Variants in DCC observed in about 807,000 individuals in gnomAD.
DCC encodes DCC netrin 1 receptor.
Under a neutral mutation model 172.5 loss-of-function variants are expected in DCC, and 58 were observed. The ratio of observed to expected loss-of-function variants is 0.34; its 90% confidence interval spans 0.27 to 0.42. The LOEUF (loss-of-function observed/expected upper bound fraction) is 0.42, where lower values mean the gene tolerates loss of function less well. Among genes scored for constraint, DCC ranks in the 10% least tolerant of loss-of-function variants. The pLI, the probability that DCC is intolerant of heterozygous loss-of-function variation, is 1.00. For missense variants in DCC, 1,740 were observed against 1,791.0 expected (o/e 0.97, Z 0.51); for synonymous variants, 709 against 644.5 (o/e 1.10, Z -1.52).
At chr18:52,906,722 A>G (rs149282103) in intron 3 of DCC, among the ~76,000 whole-genome samples, 1 of 152,142 alleles carries the variant, frequency 6.6e-6, no homozygotes, top group African/African-American at 2.4e-5. Context: ...CAACGTTAAG[A>G]ACATTCCCTA....
At chr18:53,400,916 G>C (rs1266459050) in intron 18 of DCC, among the ~76,000 whole-genome samples, 3 of 152,140 alleles carry the variant, frequency 2.0e-5, no homozygotes, top group East Asian at 3.9e-4. Flanking sequence ...ACATAGTTAA[G>C]ACAAAACAGG....
chr18:53,427,917 TATA>T lies in DCC; in HGVS notation c.3164-7223_3164-7221del, dbSNP rs1175024100. Among the ~76,000 whole-genome samples, 10 of 31,342 alleles carry T rather than the reference TATA, an allele frequency of 3.2e-4. 1 individual carries two copies. In the South Asian group the frequency reaches 6.0e-3, roughly 19 times the overall value. 20.6% of individuals were successfully genotyped at this position (31,342 alleles called of 152,430 possible). A position where few individuals can be genotyped will look rare whatever the true frequency, so the allele number is the denominator to read the frequency against. ...ATAAATTATATATAATATATAATAA[TATA>T]ATATATAATATAATATAATATATTA... On this transcript the variant is annotated intron_variant, in intron 21 of 28. Transcript: ENST00000442544.
intron 5 of DCC, among the ~76,000 whole-genome samples, chr18:52,958,902 C>T (rs534189504): frequency 1.3e-5 from 2 of 152,090 alleles, no homozygotes; most frequent in Non-Finnish European, 2.9e-5. Context: ...AGCCCGCGGG[C>T]CATATGCAGC....
chr18:52,999,815 C>T (rs1035124901), intron 5 of DCC, among the ~76,000 whole-genome samples: 1 of 151,960 alleles, frequency 6.6e-6, no homozygotes, highest in Non-Finnish European at 1.5e-5. Flanking sequence ...ATGTTGAAGT[C>T]CTGACCCCTA....
At chr18:52,801,567 C>A (rs1325437194) in intron 2 of DCC, among the ~76,000 whole-genome samples, 3 of 152,164 alleles carry the variant, frequency 2.0e-5, no homozygotes, top group Non-Finnish European at 2.9e-5. Flanking sequence ...AATTAAAAGT[C>A]TATCTATGTT....
intron 1 of DCC, among the ~76,000 whole-genome samples, chr18:52,732,529 CT>C (rs1425471149): frequency 1.3e-5 from 2 of 152,100 alleles, no homozygotes; most frequent in South Asian, 2.1e-4. Context: ...GTGGTCATGC[CT>C]GTTTCTTTTC....
In DCC at chr18:53,533,212, C is replaced by T. The variant is rs780922065; in HGVS notation, c.*2559C>T. On this transcript the variant is annotated 3_prime_UTR_variant, in exon 29 of 29. Transcript: ENST00000442544. ...AAGTTTTCAGGTAACTTATTAATTTCCCAGTCTCCTGATCTCTTGACAAGA... is the reference window on the plus strand; with the variant it reads ...AAGTTTTCAGGTAACTTATTAATTTTCCAGTCTCCTGATCTCTTGACAAGA... 1 of 152,106 alleles carries T rather than the reference C, an allele frequency of 6.6e-6. No homozygotes were observed. The highest frequency in any genetic ancestry group is 1.5e-5 in the Non-Finnish European group (1 of 68,034). 9.4% of individuals were successfully genotyped at this position (152,106 alleles called of 1,614,324 possible).
At position 53,397,428 on chromosome 18, in the gene DCC, G is replaced by A. The variant is rs1435664009; in HGVS notation, c.2809G>A (p.Ala937Thr). 1 of 1,613,836 alleles carries A rather than the reference G, an allele frequency of 6.2e-7. No individual in the cohort carries two copies. Residue 937 changes from alanine to threonine, a missense_variant, in exon 18 of 29, where the codon GCC (alanine) becomes ACC (threonine). Ala to Thr is a moderately conservative substitution (Grantham distance 58). This residue lies in a region of DCC where 1,732 missense variants were observed against 1,767.4 expected (regional missense o/e 0.98). Transcript: ENST00000442544. ...RSSTWSMTAH[A>T]TTYEAAPTSA... ...CAGTACTTGGAGCATGACTGCACAT[G>A]CCACCACGTATGAAGCAGGTATGTG...
Position 52,340,574 on chromosome 18 carries a change from T to A in DCC, c.-214T>A. On this transcript the variant is annotated 5_prime_UTR_variant, in exon 1 of 29. Coordinates refer to ENST00000442544, the MANE Select transcript of DCC (RefSeq NM_005215.4). The stretch of plus-strand genomic sequence containing the variant: ...AATGGAACTTTTTGCTGCCTGCTTT[T>A]GCTGCTGATTCTGTCAGTGGACAAG... The A allele has an allele frequency of 1.6e-6, 1 of 625,034 alleles. No individual in the cohort carries two copies. The highest frequency in any genetic ancestry group is 2.9e-6 in the Non-Finnish European group (1 of 347,876). 38.7% of individuals were successfully genotyped at this position (625,034 alleles called of 1,614,324 possible).
At chr18:52,729,115 T>A (rs1410787884) in intron 1 of DCC, among the ~76,000 whole-genome samples, 2 of 152,216 alleles carry the variant, frequency 1.3e-5, no homozygotes, top group Non-Finnish European at 2.9e-5. Flanking sequence ...AAAAGTAAGC[T>A]TTACTGAAAT....
At chr18:53,166,321 T>G (rs1345459600) in intron 8 of DCC, among the ~76,000 whole-genome samples, 2 of 152,098 alleles carry the variant, frequency 1.3e-5, no homozygotes, top group Non-Finnish European at 2.9e-5. Context: ...CTTTACGACC[T>G]TCAAATGGGA....
intron 26 of DCC, 75 bp from the exon 27 acceptor site, chr18:53,499,223 G>A: frequency 7.0e-7 from 1 of 1,432,816 alleles, no homozygotes; most frequent in South Asian, 1.2e-5. Context: ...AATGGATGCA[G>A]GGACTGTTCC....
At chr18:53,203,336 C>G (rs2055574045) in intron 9 of DCC, among the ~76,000 whole-genome samples, 1 of 151,514 alleles carries the variant, frequency 6.6e-6, no homozygotes, top group African/African-American at 2.4e-5. Context: ...CATGGCTGTT[C>G]TATGCACTAT....
intron 1 of DCC, among the ~76,000 whole-genome samples, chr18:52,750,394 C>G (rs2036976558): frequency 6.6e-6 from 1 of 152,118 alleles, no homozygotes; most frequent in Admixed American, 6.5e-5. Flanking sequence ...GGAGAAGGAG[C>G]TTATTTGAAA....
In DCC at chr18:53,467,970, C is replaced by T; in HGVS notation, c.3696C>T (p.Ala1232=). 2 of 1,610,708 alleles carry T rather than the reference C, an allele frequency of 1.2e-6. No homozygotes were observed. The highest frequency in any genetic ancestry group is 8.5e-7 in the Non-Finnish European group (1 of 1,177,046). Residue 1232 remains alanine (A), a synonymous_variant, in exon 25 of 29, where the codon GCC becomes GCT. Coordinates refer to ENST00000442544, the MANE Select transcript of DCC (RefSeq NM_005215.4). ...TGGCTGCACGCCGAGCCCCCCGGGCCAAGCTCATGATTCCCATGGATGCCC... is the reference window on the plus strand; with the variant it reads ...TGGCTGCACGCCGAGCCCCCCGGGCTAAGCTCATGATTCCCATGGATGCCC... ...RSLAARRAPR[A]KLMIPMDAQS...
intron 1 of DCC, among the ~76,000 whole-genome samples, chr18:52,359,354 C>T (rs1260447580): frequency 2.6e-5 from 4 of 152,076 alleles, no homozygotes; most frequent in Non-Finnish European, 5.9e-5. Flanking sequence ...TATTGCCCAC[C>T]CATTTTTATA....
In DCC at chr18:53,499,572, C is replaced by A. The variant is rs1160025072; in HGVS notation, c.4111+62C>A. 6 of 1,354,872 alleles carry A rather than the reference C, an allele frequency of 4.4e-6. No homozygotes were observed. In the African/African-American group the frequency reaches 5.7e-5, roughly 13 times the overall value. 83.9% of individuals were successfully genotyped at this position (1,354,872 alleles called of 1,614,324 possible). On this transcript the variant is annotated intron_variant, in intron 27 of 28. Coordinates refer to ENST00000442544, the MANE Select transcript of DCC (RefSeq NM_005215.4). ...TATTATTGGTGCCTCTATTTAAGTG[C>A]ATGAGGGTGCTTGAGAAGGCCTAGA...
intron 1 of DCC, among the ~76,000 whole-genome samples, chr18:52,350,376 A>T (rs2144242373): frequency 6.6e-6 from 1 of 152,312 alleles, no homozygotes; most frequent in East Asian, 1.9e-4. Context: ...CTTTGCAGGG[A>T]CATGGATGAA....
intron 2 of DCC, among the ~76,000 whole-genome samples, chr18:52,876,343 T>A (rs1489293552): frequency 6.6e-6 from 1 of 152,106 alleles, no homozygotes; most frequent in East Asian, 1.9e-4. Flanking sequence ...AAATGCCATT[T>A]AGAGTTGTAT....
Sources: gnomAD v4.1 joint callset for allele counts (sites outside exome capture counted in the v4.1 genomes callset) on GRCh38, gnomAD v4.1.1 for gene constraint, gnomAD v4.1.1 regional missense constraint, MANE v1.5 for transcripts, NCBI Gene and HGNC (gene_info 2026-07-23, HGNC 2026-07-21) for gene names.